NEBL: variants seen among roughly 807,000 people sequenced by gnomAD.
NEBL encodes LIM and SH3 protein 2.
In NEBL, 122 loss-of-function variants were observed where a neutral mutation model predicts 140.2. That is an observed-to-expected ratio of 0.87 (90% CI 0.75 to 1.01). NEBL has a LOEUF of 1.01. Ranked by LOEUF, NEBL falls within the 50% of genes least tolerant of loss-of-function variation. The pLI, the probability that NEBL is intolerant of heterozygous loss-of-function variation, is 0.00. For synonymous variants in NEBL, 436 were observed against 398.9 expected, an observed-to-expected ratio of 1.09 and a Z score of -1.11; for missense variants, 1,365 against 1,231.3, an observed-to-expected ratio of 1.11 and a Z score of -1.62.
chr10:21,136,772 TC>T (rs1209746171), intron 2 of NEBL, among the ~76,000 whole-genome samples: 4 of 152,204 alleles, frequency 2.6e-5, no homozygotes, highest in Admixed American at 2.0e-4. Flanking sequence ...AATATTTTAT[TC>T]ACACAGTACA....
At chr10:20,979,553 T>C (rs1836947065) in intron 3 of NEBL, among the ~76,000 whole-genome samples, 1 of 152,204 alleles carries the variant, frequency 6.6e-6, no homozygotes, top group East Asian at 1.9e-4. Flanking sequence ...GCCACATTAT[T>C]TTAGATCTTT....
At chr10:20,911,753 C>T (rs1002317692) in intron 4 of NEBL, among the ~76,000 whole-genome samples, 2 of 152,132 alleles carry the variant, frequency 1.3e-5, no homozygotes, top group Non-Finnish European at 2.9e-5. Flanking sequence ...GTTCCAAAAT[C>T]GATATAAACA....
At chr10:20,870,355 A>T (rs1340771769) in intron 5 of NEBL, among the ~76,000 whole-genome samples, 2 of 150,722 alleles carry the variant, frequency 1.3e-5, no homozygotes, top group East Asian at 1.9e-4. Context: ...ACTTGAACTG[A>T]ATTTATGCTA....
intron 12 of NEBL, among the ~76,000 whole-genome samples, chr10:20,843,111 G>C (rs1841548467): frequency 6.6e-6 from 1 of 152,068 alleles, no homozygotes; most frequent in Non-Finnish European, 1.5e-5. Context: ...ATTAGGGTTA[G>C]ATGGGATTGT....
chr10:21,085,519 CAG>C (rs1836583517), intron 2 of NEBL, among the ~76,000 whole-genome samples: 6 of 152,112 alleles, frequency 3.9e-5, no homozygotes, highest in African/African-American at 1.4e-4. Context: ...CCGATGGTCC[CAG>C]CTACTTGGGA....
At chr10:20,912,192 C>T (rs954254286) in intron 4 of NEBL, among the ~76,000 whole-genome samples, 1 of 152,140 alleles carries the variant, frequency 6.6e-6, no homozygotes, top group Non-Finnish European at 1.5e-5. Flanking sequence ...TTTTATATTG[C>T]TTCTGTTTTA....
chr10:21,158,034 G>A (rs989723496), intron 2 of NEBL, among the ~76,000 whole-genome samples: 8 of 152,088 alleles, frequency 5.3e-5, no homozygotes, highest in South Asian at 2.1e-4. Flanking sequence ...CTTAGATTTC[G>A]GACTTTTAGT....
chr10:21,110,612 C>T, intron 2 of NEBL: 1 of 351,380 alleles, frequency 2.8e-6, no homozygotes, highest in South Asian at 2.3e-5. Flanking sequence ...TCCTGTACAG[C>T]TCTTCTCTGG....
chr10:21,139,890 C>T (rs1283773908), intron 2 of NEBL, among the ~76,000 whole-genome samples: 2 of 151,810 alleles, frequency 1.3e-5, no homozygotes, highest in African/African-American at 4.8e-5. Context: ...GTGGCTCACG[C>T]CTGTAATCCC....
chr10:21,031,580 G>C (rs1457054053), intron 2 of NEBL, among the ~76,000 whole-genome samples: 3 of 152,186 alleles, frequency 2.0e-5, no homozygotes, highest in African/African-American at 7.2e-5. Flanking sequence ...TAACAGATTT[G>C]TTTAAGGAAG....
intron 3 of NEBL, among the ~76,000 whole-genome samples, chr10:21,196,238 G>T (rs926206823): frequency 6.6e-6 from 1 of 151,324 alleles, no homozygotes; most frequent in Non-Finnish European, 1.5e-5. Flanking sequence ...TCCTGACCTC[G>T]TGATCTGCCT....
chr10:21,048,698 C>A (rs996979626), intron 2 of NEBL, among the ~76,000 whole-genome samples: 1 of 151,892 alleles, frequency 6.6e-6, no homozygotes, highest in African/African-American at 2.4e-5. Flanking sequence ...ATTGCAAATT[C>A]GAGTCTAAAG....
intron 4 of NEBL, among the ~76,000 whole-genome samples, chr10:20,938,195 G>A (rs996241206): frequency 3.3e-5 from 5 of 152,182 alleles, no homozygotes; most frequent in Non-Finnish European, 7.3e-5. Flanking sequence ...CCCCCAGTAG[G>A]GGCAGACTGA....
intron 2 of NEBL, among the ~76,000 whole-genome samples, chr10:21,102,886 G>A (rs1837538454): frequency 6.6e-6 from 1 of 152,060 alleles, no homozygotes. Flanking sequence ...TTGTTACATA[G>A]GTAAGAGTGT....
Position 20,858,308 on chromosome 10 carries a change from G to A in NEBL, c.835C>T (p.Pro279Ser), listed in dbSNP as rs1843301466. 1 of 1,609,986 alleles carries A rather than the reference G, an allele frequency of 6.2e-7. No homozygotes were observed. Among genetic ancestry groups the A allele is most frequent in the Admixed American group, 1.7e-5 (1 of 59,994 alleles). ...YKKDIQNMHDPVSDLPNLLFL... is the reference protein window; with the variant it reads ...YKKDIQNMHDSVSDLPNLLFL... ...AACAAATTTGGGAGATCTGAAACTG[G>A]ATCATGCATATTTTGAATGTCTTTC... The change falls in exon 9 of 28, where the codon CCA becomes TCA. Residue 279 changes from proline to serine, a missense_variant. Coordinates refer to ENST00000377122, the MANE Select transcript of NEBL (RefSeq NM_006393.3).
intron 2 of NEBL, among the ~76,000 whole-genome samples, chr10:21,147,449 C>T (rs1298158397): frequency 6.7e-6 from 1 of 149,292 alleles, no homozygotes; most frequent in East Asian, 2.0e-4. Flanking sequence ...CCTCCCTTCA[C>T]TGGCTTTCCC....
chr10:21,164,396 T>C (rs1840677464), intron 2 of NEBL, among the ~76,000 whole-genome samples: 1 of 152,226 alleles, frequency 6.6e-6, no homozygotes, highest in African/African-American at 2.4e-5. Context: ...TGTAAAGCAC[T>C]CGTCTGAAAA....
intron 4 of NEBL, among the ~76,000 whole-genome samples, chr10:20,934,622 A>G (rs772879473): frequency 5.3e-5 from 8 of 151,984 alleles, no homozygotes; most frequent in Non-Finnish European, 8.8e-5. Context: ...CCATGGCCCC[A>G]CTGGATACGA....
intron 5 of NEBL, among the ~76,000 whole-genome samples, chr10:20,880,336 G>A (rs938128519): frequency 6.6e-6 from 1 of 152,170 alleles, no homozygotes; most frequent in Non-Finnish European, 1.5e-5. Flanking sequence ...CTCCAGCCTG[G>A]GTGACAGAGC....
Sources: allele counts gnomAD v4.1 joint callset (sites outside exome capture counted in the v4.1 genomes callset), GRCh38; gene constraint gnomAD v4.1.1; transcripts MANE v1.5; gene names NCBI Gene and HGNC (gene_info 2026-07-23, HGNC 2026-07-21).